ERC2: variants seen among roughly 807,000 people sequenced by gnomAD.
ERC2 encodes ELKS/RAB6-interacting/CAST family member 2.
ERC2 carries 42 observed loss-of-function variants against 114.8 expected under a neutral mutation model. That is an observed-to-expected ratio of 0.37 (90% CI 0.29 to 0.47). ERC2 has a LOEUF of 0.47. ERC2 is among the 20% of genes least tolerant of loss of function. The pLI is 0.99. For synonymous variants in ERC2, 454 were observed against 425.5 expected, an observed-to-expected ratio of 1.07 and a Z score of -0.82; for missense variants, 939 against 1,150.7, an observed-to-expected ratio of 0.82 and a Z score of 2.66.
chr3:56,139,729 T>C, intron 5 of ERC2, 53 bp from the exon 6 acceptor site: 1 of 1,522,774 alleles, frequency 6.6e-7, no homozygotes, highest in Non-Finnish European at 8.9e-7. Context: ...CCCCTACACT[T>C]TACATTGGAC....
At chr3:56,407,137 T>A (rs1280150880) in intron 2 of ERC2, among the ~76,000 whole-genome samples, 1 of 152,212 alleles carries the variant, frequency 6.6e-6, no homozygotes, top group Non-Finnish European at 1.5e-5. Flanking sequence ...CCCAAACCGC[T>A]AATCTCGCTA....
intron 3 of ERC2, among the ~76,000 whole-genome samples, chr3:56,232,824 A>G (rs781749768): frequency 1.8e-4 from 27 of 152,220 alleles, no homozygotes; most frequent in Non-Finnish European, 2.8e-4. Context: ...TCTACACACT[A>G]GAATTCTTCA....
chr3:56,141,442 T>C (rs1191028082), intron 5 of ERC2, among the ~76,000 whole-genome samples: 1 of 152,124 alleles, frequency 6.6e-6, no homozygotes, highest in Admixed American at 6.5e-5. Context: ...GTGACCACCA[T>C]GGTGTGAGGA....
rs376760738 is a variant in ERC2, at chr3:56,249,412, G to A, written c.1074+46607C>T. On this transcript the variant is annotated intron_variant, in intron 3 of 17. Coordinates refer to ENST00000288221, the MANE Select transcript of ERC2 (RefSeq NM_015576.3). The stretch of plus-strand genomic sequence containing the variant: ...GCAATCTCAGCTCACTGCAAGCTCC[G>A]CCTCCCGGGTTCACGCCATTCTCCT... Among the ~76,000 whole-genome samples the A allele has an allele frequency of 7.5e-4, 113 of 151,590 alleles. 1 individual carries two copies. Among genetic ancestry groups the A allele is most frequent in the South Asian group, 8.4e-4 (4 of 4,782 alleles).
intron 12 of ERC2, among the ~76,000 whole-genome samples, chr3:55,979,220 T>C (rs1576435121): frequency 6.6e-6 from 1 of 152,292 alleles, no homozygotes; most frequent in East Asian, 1.9e-4. Flanking sequence ...ACACTTCAAC[T>C]CACACATCAC....
chr3:56,466,769 G>A (rs1470587978), intron 1 of ERC2, among the ~76,000 whole-genome samples: 1 of 152,114 alleles, frequency 6.6e-6, no homozygotes, highest in Admixed American at 6.5e-5. Context: ...GTAGAGCCAA[G>A]CCCCAAGTAC....
In ERC2 at chr3:56,266,973, A is replaced by C. The variant is rs140799674; in HGVS notation, c.1074+29046T>G. Among the ~76,000 whole-genome samples the C allele has an allele frequency of 9.1e-3, 1,392 of 152,328 alleles. 17 individuals carry two copies. Among genetic ancestry groups the C allele is most frequent in the African/African-American group, 0.031 (1,276 of 41,572 alleles). ...ATAGCCAAGATATGGGAACAACCAA[A>C]GTGTCTGTTGACAGATAAATGGATA... On this transcript the variant is annotated intron_variant, in intron 3 of 17. Coordinates refer to ENST00000288221, the MANE Select transcript of ERC2 (RefSeq NM_015576.3).
intron 15 of ERC2, among the ~76,000 whole-genome samples, chr3:55,701,447 C>T (rs894501052): frequency 6.6e-6 from 1 of 152,112 alleles, no homozygotes; most frequent in Non-Finnish European, 1.5e-5. Flanking sequence ...GTTTTGGAAA[C>T]ACCTCACATC....
intron 2 of ERC2, among the ~76,000 whole-genome samples, chr3:56,316,295 T>C (rs1407861827): frequency 6.6e-6 from 1 of 152,222 alleles, no homozygotes; most frequent in East Asian, 1.9e-4. Flanking sequence ...TTGCAGGCTT[T>C]ATGGTTTAAA....
At chr3:56,092,686 T>C (rs1231017966) in intron 6 of ERC2, among the ~76,000 whole-genome samples, 1 of 152,200 alleles carries the variant, frequency 6.6e-6, no homozygotes, top group South Asian at 2.1e-4. Flanking sequence ...AACATGATGA[T>C]AGTTATAAAT....
intron 3 of ERC2, among the ~76,000 whole-genome samples, chr3:56,285,034 C>T (rs200711700): frequency 5.6e-3 from 170 of 30,194 alleles, no homozygotes; most frequent in Middle Eastern, 0.045. Flanking sequence ...CACACACATA[C>T]ACACACACAC....
chr3:55,703,221 C>T (rs187498668), intron 15 of ERC2, among the ~76,000 whole-genome samples: 1 of 152,290 alleles, frequency 6.6e-6, no homozygotes, highest in Non-Finnish European at 1.5e-5. Flanking sequence ...GAGGCTCCCG[C>T]CACACTCAGG....
chr3:55,575,602 T>C (rs72870484), intron 17 of ERC2, among the ~76,000 whole-genome samples: 29,108 of 152,130 alleles, frequency 0.19, 2,793 homozygotes, highest in South Asian at 0.24. Context: ...AAGCCCATCA[T>C]TATTATGGAC....
chr3:55,594,375 T>C (rs2058038257), intron 17 of ERC2, among the ~76,000 whole-genome samples: 2 of 152,168 alleles, frequency 1.3e-5, no homozygotes, highest in Admixed American at 1.3e-4. Context: ...AACTGGGCTT[T>C]TGTGGTTTGC....
At chr3:56,389,407 C>T (rs374033570) in intron 2 of ERC2, among the ~76,000 whole-genome samples, 4 of 152,242 alleles carry the variant, frequency 2.6e-5, no homozygotes, top group South Asian at 4.1e-4. Context: ...GCAGTGCCTA[C>T]GATTTCCAGA....
chr3:56,430,037 C>T (rs1053237682), intron 2 of ERC2, among the ~76,000 whole-genome samples: 2 of 152,170 alleles, frequency 1.3e-5, no homozygotes, highest in African/African-American at 4.8e-5. Context: ...AAACTATGAA[C>T]TTCCTATACA....
At chr3:56,460,598 A>G (rs1157868792) in intron 1 of ERC2, among the ~76,000 whole-genome samples, 1 of 152,224 alleles carries the variant, frequency 6.6e-6, no homozygotes, top group African/African-American at 2.4e-5. Context: ...AATGCTCAAT[A>G]AATGGTGCTC....
intron 14 of ERC2, among the ~76,000 whole-genome samples, chr3:55,865,107 A>G (rs546294482): frequency 6.6e-6 from 1 of 152,118 alleles, no homozygotes; most frequent in South Asian, 2.1e-4. Flanking sequence ...GAACTACTGA[A>G]AAAGCCCTTT....
At chr3:56,268,132 T>C (rs1004703662) in intron 3 of ERC2, among the ~76,000 whole-genome samples, 1 of 152,230 alleles carries the variant, frequency 6.6e-6, no homozygotes, top group South Asian at 2.1e-4. Context: ...TAGTACCATA[T>C]GATTATAATA....
Sources: allele counts gnomAD v4.1 joint callset (sites outside exome capture counted in the v4.1 genomes callset), GRCh38; gene constraint gnomAD v4.1.1; transcripts MANE v1.5; gene names NCBI Gene and HGNC (gene_info 2026-07-23, HGNC 2026-07-21).